KHDRBS2: variants seen among roughly 807,000 people sequenced by gnomAD.
KHDRBS2 encodes KH RNA binding domain containing, signal transduction associated 2.
KHDRBS2 carries 26 observed loss-of-function variants against 44.3 expected under a neutral mutation model. The observed-to-expected ratio is 0.59, with a 90% confidence interval of 0.43 to 0.81. The LOEUF (loss-of-function observed/expected upper bound fraction) is 0.81. Among genes scored for constraint, KHDRBS2 ranks in the 40% least tolerant of loss-of-function variants. The pLI is 0.00. For synonymous variants in KHDRBS2, 194 were observed against 151.1 expected (o/e 1.28, Z -2.08); for missense variants, 476 against 433.1 (o/e 1.10, Z -0.88).
the KHDRBS2 span, among the ~76,000 whole-genome samples, chr6:61,662,405 A>C: frequency 6.6e-5 from 10 of 151,190 alleles, no homozygotes; most frequent in Non-Finnish European, 1.5e-5. Flanking sequence ...AATGGGATCT[A>C]ATTAAACTAA....
At chr6:62,188,841 C>T (rs1319305914) in intron 1 of KHDRBS2, among the ~76,000 whole-genome samples, 4 of 152,190 alleles carry the variant, frequency 2.6e-5, no homozygotes, top group Middle Eastern at 3.4e-3. Context: ...AGGCTGGGTG[C>T]GGTGGCTCAC....
intron 6 of KHDRBS2, among the ~76,000 whole-genome samples, chr6:61,888,585 C>T (rs1270514788): frequency 3.1e-5 from 4 of 128,510 alleles, no homozygotes; most frequent in Admixed American, 1.8e-4. Flanking sequence ...TTTTTTGAGA[C>T]GAGTCTCTCT....
At chr6:62,148,318 T>TTCACTTTA (rs1305747137) in intron 2 of KHDRBS2, among the ~76,000 whole-genome samples, 9 of 152,158 alleles carry the variant, frequency 5.9e-5, no homozygotes, top group African/African-American at 1.9e-4. Flanking sequence ...ACTTGTTAAC[T>TTCACTTTA]TCACTTTATG....
At chr6:62,081,648 C>T (rs1256027373) in intron 2 of KHDRBS2, among the ~76,000 whole-genome samples, 1 of 152,108 alleles carries the variant, frequency 6.6e-6, no homozygotes, top group Non-Finnish European at 1.5e-5. Context: ...AATGGTAGCA[C>T]ATTTCAAAGA....
In KHDRBS2 at chr6:61,897,688, C is replaced by CTAT. The variant is rs1247665299; in HGVS notation, c.612-2856_612-2855insATA. Among the ~76,000 whole-genome samples, 5 of 150,904 alleles carry CTAT rather than the reference C, an allele frequency of 3.3e-5. No homozygotes were observed. The East Asian group carries it at 9.8e-4, about 30-fold the overall frequency. ...ATTGTTTTCTCATTGGCTCCCCTGC[C>CTAT]ATAAGACGGTTTCTCTGTCTCTGTC... On this transcript the variant is annotated intron_variant, in intron 5 of 8. Transcript: ENST00000281156.
chr6:61,905,176 G>C (rs1804735182), intron 4 of KHDRBS2, among the ~76,000 whole-genome samples: 1 of 152,076 alleles, frequency 6.6e-6, no homozygotes, highest in Non-Finnish European at 1.5e-5. Context: ...AAATAACAAA[G>C]ACTCATGAAG....
chr6:62,026,365 A>G (rs1390013776), intron 3 of KHDRBS2, among the ~76,000 whole-genome samples: 1 of 150,984 alleles, frequency 6.6e-6, no homozygotes, highest in Admixed American at 6.6e-5. Context: ...TGATCATATA[A>G]GGATTTTCTT....
chr6:61,802,060 T>C (rs1786367106), intron 6 of KHDRBS2, among the ~76,000 whole-genome samples: 3 of 152,036 alleles, frequency 2.0e-5, no homozygotes. Flanking sequence ...AGAAAATAGG[T>C]AGACTGTAGG....
the KHDRBS2 span, among the ~76,000 whole-genome samples, chr6:61,543,489 T>C: frequency 6.6e-6 from 1 of 151,986 alleles, no homozygotes; most frequent in Admixed American, 6.6e-5. Flanking sequence ...CCTCATACAC[T>C]AATTGACTAA....
chr6:62,052,504 T>C (rs1359591868), intron 2 of KHDRBS2, among the ~76,000 whole-genome samples: 1 of 150,492 alleles, frequency 6.6e-6, no homozygotes, highest in Non-Finnish European at 1.5e-5. Flanking sequence ...GTAGGAGATA[T>C]GTAGGATGAA....
At chr6:62,027,812 T>C (rs1783643366) in intron 3 of KHDRBS2, among the ~76,000 whole-genome samples, 1 of 152,130 alleles carries the variant, frequency 6.6e-6, no homozygotes, top group South Asian at 2.1e-4. Flanking sequence ...CTATGCCTTT[T>C]CCCCATAACT....
intron 1 of KHDRBS2, among the ~76,000 whole-genome samples, chr6:62,182,939 C>A (rs1822643920): frequency 6.6e-6 from 1 of 151,746 alleles, no homozygotes; most frequent in African/African-American, 2.4e-5. Context: ...ATATGTGAAT[C>A]TTTACCTTGT....
At chr6:61,644,670 A>G in the KHDRBS2 span, among the ~76,000 whole-genome samples, 3 of 152,214 alleles carry the variant, frequency 2.0e-5, no homozygotes, top group Non-Finnish European at 4.4e-5. Flanking sequence ...ACTTTTCTAA[A>G]GAAGACATAC....
intron 2 of KHDRBS2, among the ~76,000 whole-genome samples, chr6:62,148,961 G>A (rs1814516171): frequency 6.6e-6 from 1 of 152,008 alleles, no homozygotes; most frequent in African/African-American, 2.4e-5. Flanking sequence ...GCAACCACTT[G>A]CCTCTTATCT....
chr6:61,709,965 C>G (rs1441460162), intron 7 of KHDRBS2, among the ~76,000 whole-genome samples: 1 of 151,662 alleles, frequency 6.6e-6, no homozygotes, highest in African/African-American at 2.4e-5. Context: ...TTCATTGGTG[C>G]AAGCTGCACT....
At position 61,832,373 on chromosome 6, in the gene KHDRBS2, C is replaced by A. The variant is rs1293594532; in HGVS notation, c.810+62262G>T. 3.3e-5 allele frequency among the ~76,000 whole-genome samples: 5 copies of A among 152,160 alleles called. No individual in the cohort carries two copies. In the East Asian group the frequency reaches 9.6e-4, roughly 29 times the overall value. On this transcript the variant is annotated intron_variant, in intron 6 of 8. Transcript: ENST00000281156. ...GAGTATGGCCTATATACCCTCTTAT[C>A]TATAGGTCTCTTCTCTCTTGTCTTG...
chr6:61,667,658 CCTTATGTGACAG>C, the KHDRBS2 span, among the ~76,000 whole-genome samples: 5,099 of 151,248 alleles, frequency 0.034, 273 homozygotes, highest in African/African-American at 0.12. Context: ...TGTCATTTTT[CCTTATGTGACAG>C]CTAGCAATAT....
the KHDRBS2 span, among the ~76,000 whole-genome samples, chr6:61,570,029 C>T: frequency 6.6e-6 from 1 of 152,032 alleles, no homozygotes; most frequent in Non-Finnish European, 1.5e-5. Flanking sequence ...TTATAGCACA[C>T]CCAACAGATC....
chr6:61,958,250 G>A (rs1315584483), intron 4 of KHDRBS2, among the ~76,000 whole-genome samples: 2 of 152,036 alleles, frequency 1.3e-5, no homozygotes, highest in South Asian at 2.1e-4. Context: ...ACTGAAGCCT[G>A]GCTTCTTTGC....
Sources: allele counts gnomAD v4.1 joint callset (sites outside exome capture counted in the v4.1 genomes callset), GRCh38; gene constraint gnomAD v4.1.1; transcripts MANE v1.5; gene names NCBI Gene and HGNC (gene_info 2026-07-23, HGNC 2026-07-21).